TMEM184B: variants seen among roughly 807,000 people sequenced by gnomAD.
TMEM184B encodes putative MAPK-activating protein FM08.
A neutral mutation model predicts 41.8 loss-of-function variants in TMEM184B; 17 were observed. The observed-to-expected ratio is 0.41, with a 90% confidence interval of 0.28 to 0.61. The LOEUF is 0.61. TMEM184B is among the 20% of genes least tolerant of loss of function. The probability of loss-of-function intolerance (pLI) is 0.34; values close to 1 mark genes in which losing one functional copy is unlikely to be tolerated. For synonymous variants in TMEM184B, 240 were observed against 229.5 expected, an observed-to-expected ratio of 1.05 and a Z score of -0.41; for missense variants, 393 against 557.8, an observed-to-expected ratio of 0.70 and a Z score of 2.98.
At position 38,245,934 on chromosome 22, in the gene TMEM184B, C is replaced by T; in HGVS notation, c.358+1G>A. The stretch of plus-strand genomic sequence containing the variant: ...CCTCCCCACTCCGTCCCCATCCTCA[C>T]CCTCATAGCAGTCGCGGACGGTGCC... On this transcript the variant is annotated splice_donor_variant, in intron 3 of 8. Coordinates refer to ENST00000361906, the MANE Select transcript of TMEM184B (RefSeq NM_012264.5). LOFTEE classifies it high-confidence loss of function. 1 of 1,490,956 alleles carries T rather than the reference C, an allele frequency of 6.7e-7. No individual in the cohort carries two copies. The highest frequency in any genetic ancestry group is 9.1e-7 in the Non-Finnish European group (1 of 1,101,780). The allele number at this position is 1,490,956 out of a possible 1,614,324, so 92.4% of individuals were successfully genotyped here.
rs1316029621 is a variant in TMEM184B, at chr22:38,219,911, A to G, written c.*1558T>C. On this transcript the variant is annotated 3_prime_UTR_variant, in exon 9 of 9. Coordinates refer to ENST00000361906, the MANE Select transcript of TMEM184B (RefSeq NM_012264.5). ...CCACATGCAGGCCTCTGCCACGAGG[A>G]AAGGAAGGAGGCCAGGAAGACGGCT... The G allele has an allele frequency of 1.0e-6, 1 of 985,298 alleles. No individual in the cohort carries two copies. Among genetic ancestry groups the G allele is most frequent in the Non-Finnish European group, 1.2e-6 (1 of 829,920 alleles). 61.0% of individuals were successfully genotyped at this position (985,298 alleles called of 1,614,324 possible).
At chr22:38,216,556 G>C (rs538051576), downstream of TMEM184B, 1 of 156,116 alleles carries the variant, frequency 6.4e-6, no homozygotes, top group Non-Finnish European at 1.5e-5. Flanking sequence ...GTCTAAAATG[G>C]GGTTCTGCTT....
rs572841656 is a variant in TMEM184B at position 38,252,379 on chromosome 22, G to A, written c.-58-4360C>T. Among the ~76,000 whole-genome samples, 3 of 152,258 alleles carry A rather than the reference G, an allele frequency of 2.0e-5. No individual in the cohort carries two copies. In the South Asian group the frequency reaches 6.2e-4, roughly 32 times the overall value. On this transcript the variant is annotated intron_variant, in intron 1 of 8. Coordinates refer to ENST00000361906, the MANE Select transcript of TMEM184B (RefSeq NM_012264.5). ...ACTGTCTCCCATTATTTCCCTAATTGACCAAGTGTTAAACTTCTGCCAGGA... is the reference window on the plus strand; with the variant it reads ...ACTGTCTCCCATTATTTCCCTAATTAACCAAGTGTTAAACTTCTGCCAGGA...
At chr22:38,248,413 G>A (rs543567860) in intron 1 of TMEM184B, among the ~76,000 whole-genome samples, 8 of 152,262 alleles carry the variant, frequency 5.3e-5, no homozygotes, top group East Asian at 3.9e-4. Flanking sequence ...CTGCAGCCAC[G>A]CTGGCCTCTT....
intron 3 of TMEM184B, among the ~76,000 whole-genome samples, chr22:38,241,827 T>G (rs538460123): frequency 8.3e-5 from 11 of 132,440 alleles, no homozygotes; most frequent in Non-Finnish European, 1.7e-4. Flanking sequence ...GAGTTTGCAG[T>G]GAGCCGAGGT....
At chr22:38,222,836 A>G (rs1303961553) in intron 8 of TMEM184B, 2 of 399,600 alleles carry the variant, frequency 5.0e-6, no homozygotes, top group East Asian at 3.3e-4. Context: ...CAGGGCACCC[A>G]GGAAGCTCCA....
At chr22:38,216,852 C>T (rs1048122800), downstream of TMEM184B, among the ~76,000 whole-genome samples, 4 of 149,590 alleles carry the variant, frequency 2.7e-5, no homozygotes, top group Admixed American at 6.6e-5. Flanking sequence ...AAGAGCAACC[C>T]GGGCAACATA....
chr22:38,232,678 G>A (rs1313269099), intron 3 of TMEM184B, among the ~76,000 whole-genome samples: 3 of 152,182 alleles, frequency 2.0e-5, no homozygotes, highest in Middle Eastern at 3.2e-3. Flanking sequence ...AGCCCCTGCA[G>A]TACAGAGTCC....
Position 38,221,650 on chromosome 22 carries a change from T to C in TMEM184B, c.1043A>G (p.Asp348Gly), listed in dbSNP as rs1223700253. The change falls in exon 9 of 9, where the codon GAC (aspartate) becomes GGC (glycine). Residue 348 changes from aspartate (D) to glycine (G), a missense_variant. Asp to Gly is a moderately conservative substitution (Grantham distance 94). This residue lies in a region of TMEM184B where 271 missense variants were observed against 434.1 expected (regional missense o/e 0.62). Transcript: ENST00000361906. ...SSLKETMNPH[D>G]IVQDAIHNFS... ...GTTGTGGATGGCGTCCTGCACGATG[T>C]CGTGCGGGTTCATGGTCTCCTTGAG... 6.2e-7 allele frequency: 1 copy of C among 1,614,118 alleles called. No individual in the cohort carries two copies. Among genetic ancestry groups the C allele is most frequent in the Non-Finnish European group, 8.5e-7 (1 of 1,179,994 alleles).
In TMEM184B at chr22:38,225,028, C is replaced by A; in HGVS notation, c.788-49G>T. On this transcript the variant is annotated intron_variant, in intron 7 of 8. Transcript: ENST00000361906. The surrounding 1 kb of genome is among the most constrained non-coding windows in gnomAD (Gnocchi z 4.4). ...TGGACCCAGAATGATTCCTTTCCTGCTCCCCCTTCTTCCACAATGCCCCAT... is the reference window on the plus strand; with the variant it reads ...TGGACCCAGAATGATTCCTTTCCTGATCCCCCTTCTTCCACAATGCCCCAT... 6.7e-7 allele frequency: 1 copy of A among 1,485,538 alleles called. No homozygotes were observed. The highest frequency in any genetic ancestry group is 9.0e-7 in the Non-Finnish European group (1 of 1,116,012). The allele number at this position is 1,485,538 out of a possible 1,614,324, so 92.0% of individuals were successfully genotyped here. A position where few individuals can be genotyped will look rare whatever the true frequency, so the allele number is the denominator to read the frequency against.
chr22:38,245,701 G>A lies in TMEM184B; in HGVS notation c.358+234C>T, dbSNP rs569041915. Reference sequence around the variant, plus strand: ...TTCCAGGTACCTGCCTGAGACGCCAGCATTGAGAAGCGAGACCCAGGTGGA... The same window carrying A: ...TTCCAGGTACCTGCCTGAGACGCCAACATTGAGAAGCGAGACCCAGGTGGA... On this transcript the variant is annotated intron_variant, in intron 3 of 8. Coordinates refer to ENST00000361906, the MANE Select transcript of TMEM184B (RefSeq NM_012264.5). 7.8e-3 allele frequency among the ~76,000 whole-genome samples: 1,186 copies of A among 151,544 alleles called. 8 individuals are homozygous for A. Among genetic ancestry groups the A allele is most frequent in the African/African-American group, 0.027 (1,109 of 41,116 alleles).
chr22:38,271,708 G>T (rs1319199623), intron 1 of TMEM184B, among the ~76,000 whole-genome samples: 1 of 152,166 alleles, frequency 6.6e-6, no homozygotes, highest in Non-Finnish European at 1.5e-5. Flanking sequence ...GATGGCTTGG[G>T]CATCAAATGT....
At chr22:38,237,204 A>G (rs893765456) in intron 3 of TMEM184B, among the ~76,000 whole-genome samples, 3 of 152,156 alleles carry the variant, frequency 2.0e-5, no homozygotes, top group Admixed American at 6.5e-5. Context: ...CCCACAAGGA[A>G]GGAGTTATCC....
At chr22:38,257,045 G>A (rs143794542) in intron 1 of TMEM184B, among the ~76,000 whole-genome samples, 9 of 146,604 alleles carry the variant, frequency 6.1e-5, no homozygotes, top group Non-Finnish European at 8.9e-5. Flanking sequence ...GCAATGGCGC[G>A]ATCTCGACTC....
downstream of TMEM184B, among the ~76,000 whole-genome samples, chr22:38,217,746 G>A (rs1370071640): frequency 3.4e-5 from 5 of 148,270 alleles, no homozygotes; most frequent in East Asian, 2.0e-4. Context: ...AGAGAGAATC[G>A]CTTAAACCCG....
intron 3 of TMEM184B, among the ~76,000 whole-genome samples, chr22:38,241,498 G>A (rs1292647901): frequency 6.7e-6 from 1 of 149,518 alleles, no homozygotes; most frequent in East Asian, 2.0e-4. Flanking sequence ...GACCACCCTG[G>A]GCAACACAGT....
In TMEM184B at chr22:38,256,269, G is replaced by A. The variant is rs567470775; in HGVS notation, c.-58-8250C>T. Among the ~76,000 whole-genome samples the A allele has an allele frequency of 4.6e-5, 7 of 151,246 alleles. No individual in the cohort carries two copies. The East Asian group carries it at 9.7e-4, about 21-fold the overall frequency. On this transcript the variant is annotated intron_variant, in intron 1 of 8. Transcript: ENST00000361906. Reference sequence around the variant, plus strand: ...ACTCTGTCACCCAGGCCGGAGTGCAGTGGTGTGATCTTCAACTCACTGTAA... The same window carrying A: ...ACTCTGTCACCCAGGCCGGAGTGCAATGGTGTGATCTTCAACTCACTGTAA...
intron 1 of TMEM184B, among the ~76,000 whole-genome samples, chr22:38,268,839 T>A (rs1240251034): frequency 1.3e-5 from 2 of 152,220 alleles, no homozygotes; most frequent in Non-Finnish European, 2.9e-5. Context: ...CCAGCTGCAC[T>A]CGGCTCCTGA....
At chr22:38,242,076 G>A (rs2091922807) in intron 3 of TMEM184B, among the ~76,000 whole-genome samples, 1 of 152,004 alleles carries the variant, frequency 6.6e-6, no homozygotes, top group Non-Finnish European at 1.5e-5. Context: ...TTCAGAGTGA[G>A]GAGTTAGGGG....
Sources: allele counts gnomAD v4.1 joint callset (sites outside exome capture counted in the v4.1 genomes callset), GRCh38; gene constraint gnomAD v4.1.1; regional missense constraint gnomAD v4.1.1; non-coding constraint Gnocchi (gnomAD v3.1); transcripts MANE v1.5; gene names NCBI Gene and HGNC (gene_info 2026-07-23, HGNC 2026-07-21).